Variants in SYNJ2 observed in about 807,000 individuals in gnomAD.
SYNJ2 encodes polyphosphatidylinositol phosphatase SYNJ2.
In SYNJ2, 116 loss-of-function variants were observed where a neutral mutation model predicts 141.3. The ratio of observed to expected loss-of-function variants is 0.82; its 90% CI spans 0.71 to 0.96. The LOEUF (loss-of-function observed/expected upper bound fraction) is 0.96. Among genes scored for constraint, SYNJ2 ranks in the 40% least tolerant of loss-of-function variants. SYNJ2 has a pLI of 0.00. For missense variants in SYNJ2, 1,873 were observed against 1,934.8 expected (o/e 0.97, Z 0.60); for synonymous variants, 745 against 777.7 (o/e 0.96, Z 0.70).
chr6:158,092,111 T>TAA (rs35903216), intron 25 of SYNJ2, among the ~76,000 whole-genome samples: 13,806 of 148,156 alleles, frequency 0.093, 683 homozygotes, highest in Middle Eastern at 0.11. Context: ...ATAAAGCTGT[T>TAA]AAAAAAAAAA....
At position 157,982,013 on chromosome 6, in the gene SYNJ2, G is replaced by A; in HGVS notation, c.52G>A (p.Asp18Asn). ...RLLGRLGAEGDCSVLLEARGR... is the reference protein window; with the variant it reads ...RLLGRLGAEGNCSVLLEARGR... ...GCTGGGGCGCCTGGGGGCCGAGGGG[G>A]ACTGTAGCGTGCTGCTGGAGGCGCG... The change falls in exon 1 of 27, where the codon GAC becomes AAC. Residue 18 changes from aspartate to asparagine, a missense_variant. Physicochemically the swap from Asp to Asn is conservative, Grantham distance 23 (BLOSUM62 1). Coordinates refer to ENST00000355585, the MANE Select transcript of SYNJ2 (RefSeq NM_003898.4). The surrounding 1 kb of genome is among the most constrained non-coding windows in gnomAD (Gnocchi z 4.0). 5.3e-6 allele frequency: 7 copies of A among 1,323,740 alleles called. No homozygotes were observed. The highest frequency in any genetic ancestry group is 6.7e-6 in the Non-Finnish European group (7 of 1,040,350). 82.0% of individuals were successfully genotyped at this position (1,323,740 alleles called of 1,614,324 possible). A position where few individuals can be genotyped will look rare whatever the true frequency, so the allele number is the denominator to read the frequency against.
intron 5 of SYNJ2, among the ~76,000 whole-genome samples, chr6:158,048,338 C>G (rs1046190493): frequency 6.6e-6 from 1 of 152,148 alleles, no homozygotes; most frequent in African/African-American, 2.4e-5. Context: ...ACAATGGGTG[C>G]AGGTGTTGTA....
chr6:158,068,528 T>C (rs1781706858), intron 12 of SYNJ2, 119 bp from the exon 13 acceptor site: 1 of 1,072,930 alleles, frequency 9.3e-7, no homozygotes, highest in African/African-American at 1.6e-5. Context: ...GGTAGCCACC[T>C]GGAGTTGGAC....
At chr6:158,094,103 G>A (rs903689894) in intron 26 of SYNJ2, 7 of 670,962 alleles carry the variant, frequency 1.0e-5, no homozygotes, top group Admixed American at 4.2e-5. Context: ...GGGGGGCTTC[G>A]GCTTCACTCT....
At chr6:158,094,222 C>A (rs1783656165) in intron 26 of SYNJ2, 1 of 474,120 alleles carries the variant, frequency 2.1e-6, no homozygotes, top group Non-Finnish European at 3.8e-6. Flanking sequence ...TTTCCTCCGC[C>A]TCTTCCCTGT....
intron 26 of SYNJ2, chr6:158,094,117 C>A: frequency 1.5e-6 from 1 of 654,074 alleles, no homozygotes. Flanking sequence ...TCACTCTTGA[C>A]AGCGCTTGCT....
chr6:158,068,011 T>C, intron 12 of SYNJ2: 1 of 984,994 alleles, frequency 1.0e-6, no homozygotes. Context: ...GCAGGGGATT[T>C]TTTTGGGGTA....
Position 158,096,014 on chromosome 6 carries a change from G to A in SYNJ2, c.4141G>A (p.Gly1381Arg). The A allele has an allele frequency of 1.2e-6, 2 of 1,614,230 alleles. No individual in the cohort carries two copies. The highest frequency in any genetic ancestry group is 1.7e-5 in the Admixed American group (1 of 60,022). The change falls in exon 27 of 27, where the codon GGG (glycine) becomes AGG (arginine). Residue 1381 changes from glycine (G) to arginine (R), a missense_variant. Physicochemically the swap from Gly to Arg is moderately radical, Grantham distance 125. Coordinates refer to ENST00000355585, the MANE Select transcript of SYNJ2 (RefSeq NM_003898.4). ...PPAAGTVFPQGDFLSTSSATS... is the reference protein window; with the variant it reads ...PPAAGTVFPQRDFLSTSSATS... ...TGCCGCGGGCACCGTCTTCCCACAA[G>A]GGGACTTTCTCAGCACTTCATCTGC...
Position 158,096,280 on chromosome 6 carries a change from C to T in SYNJ2, c.4407C>T (p.His1469=). 6.2e-7 allele frequency: 1 copy of T among 1,614,196 alleles called. No homozygotes were observed. The highest frequency in any genetic ancestry group is 1.6e-4 in the Middle Eastern group (1 of 6,062). The change falls in exon 27 of 27, where the codon CAC becomes CAT. Residue 1469 remains histidine, a synonymous_variant. Transcript: ENST00000355585. The part of the protein sequence containing the change: ...AKAELPPDHE[H]KTLGHWVTIS... ...CAGAGCTGCCACCAGATCATGAACA[C>T]AAAACCTTAGGTCACTGGGTGACAA...
intron 5 of SYNJ2, among the ~76,000 whole-genome samples, chr6:158,051,985 G>T (rs975888345): frequency 1.3e-5 from 2 of 151,560 alleles, no homozygotes; most frequent in African/African-American, 4.8e-5. Flanking sequence ...AGAAGAATAA[G>T]AAGAAAAGAA....
At chr6:158,033,308 G>T (rs551049449) in intron 3 of SYNJ2, 147 bp from the exon 4 acceptor site, 651 of 775,190 alleles carry the variant, frequency 8.4e-4, no homozygotes, top group Non-Finnish European at 1.2e-3. Context: ...CAGCCCAAGT[G>T]CAGAGTCCAC....
At chr6:158,038,638 T>C (rs1441541261) in intron 4 of SYNJ2, among the ~76,000 whole-genome samples, 1 of 152,186 alleles carries the variant, frequency 6.6e-6, no homozygotes, top group South Asian at 2.1e-4. Context: ...ACGTGGGCCT[T>C]CAGCAAAGCC....
chr6:158,044,003 G>A (rs1409236276), intron 5 of SYNJ2, among the ~76,000 whole-genome samples: 2 of 152,212 alleles, frequency 1.3e-5, no homozygotes, highest in East Asian at 1.9e-4. Flanking sequence ...GGAATGACAC[G>A]CTGCCTCCTT....
At chr6:158,031,686 C>T (rs773490327) in intron 3 of SYNJ2, among the ~76,000 whole-genome samples, 3 of 152,158 alleles carry the variant, frequency 2.0e-5, no homozygotes, top group Non-Finnish European at 4.4e-5. Context: ...GCACATAAGG[C>T]AGAGTGAGCA....
intron 3 of SYNJ2, among the ~76,000 whole-genome samples, chr6:158,031,200 C>G (rs567656531): frequency 1.3e-5 from 2 of 152,168 alleles, no homozygotes; most frequent in Non-Finnish European, 2.9e-5. Context: ...GTGTGGAGTC[C>G]GTGAAACTAT....
chr6:158,067,523 C>A, intron 12 of SYNJ2: 1 of 985,446 alleles, frequency 1.0e-6, no homozygotes. Flanking sequence ...ATAAATGATT[C>A]TTGTCCAGTC....
At chr6:158,064,456 TG>T (rs1481337776) in intron 9 of SYNJ2, 144 bp from the exon 10 acceptor site, 2 of 1,008,846 alleles carry the variant, frequency 2.0e-6, no homozygotes, top group South Asian at 1.5e-5. Flanking sequence ...CTCTCTGCTG[TG>T]GGAACTCCTC....
chr6:158,066,317 C>T (rs1781560829), intron 11 of SYNJ2, 127 bp from the exon 12 acceptor site: 2 of 1,059,866 alleles, frequency 1.9e-6, no homozygotes, highest in Non-Finnish European at 2.8e-6. Context: ...TCGTAAGGAG[C>T]ATACCCTGGT....
chr6:158,024,196 G>A (rs1393306523), intron 2 of SYNJ2, among the ~76,000 whole-genome samples: 1 of 152,062 alleles, frequency 6.6e-6, no homozygotes, highest in Non-Finnish European at 1.5e-5. Context: ...AGGCCAAGGT[G>A]GGCGGACCAC....
Sources: gnomAD v4.1 joint callset for allele counts (sites outside exome capture counted in the v4.1 genomes callset) on GRCh38, gnomAD v4.1.1 for gene constraint, Gnocchi (gnomAD v3.1) non-coding constraint, MANE v1.5 for transcripts, NCBI Gene and HGNC (gene_info 2026-07-23, HGNC 2026-07-21) for gene names.